FLAD1: variants seen among roughly 807,000 people sequenced by gnomAD.
FLAD1 encodes the protein bifunctional FAD diphosphatase/FAD synthase.
A neutral mutation model predicts 55.0 loss-of-function variants in FLAD1; 35 were observed. The observed-to-expected ratio is 0.64, with a 90% CI of 0.49 to 0.84. The LOEUF (loss-of-function observed/expected upper bound fraction) is 0.84. Among genes scored for constraint, FLAD1 ranks in the 40% least tolerant of loss-of-function variants. FLAD1 has a pLI of 0.00. For synonymous variants in FLAD1, 267 were observed against 303.0 expected, an observed-to-expected ratio of 0.88 and a Z score of 1.23; for missense variants, 665 against 742.6, an observed-to-expected ratio of 0.90 and a Z score of 1.21.
At chr1:154,992,271 G>A (rs1434776156) in intron 5 of FLAD1, among the ~76,000 whole-genome samples, 2 of 151,596 alleles carry the variant, frequency 1.3e-5, no homozygotes, top group South Asian at 2.1e-4. Context: ...GTGAAATCCC[G>A]TCTCTACTAA....
Position 154,988,344 on chromosome 1 carries a change from G to A in FLAD1, c.612G>A (p.Lys204=). ...AFGDELKPHP[K]LEAATKALGG... Reference sequence around the variant, plus strand: ...GAGATGAGCTGAAGCCACACCCCAAGTTGGAAGCAGCCACCAAAGCCCTAG... The same window carrying A: ...GAGATGAGCTGAAGCCACACCCCAAATTGGAAGCAGCCACCAAAGCCCTAG... The change falls in exon 2 of 7, where the codon AAG becomes AAA. Residue 204 remains lysine (K), a synonymous_variant. Transcript: ENST00000292180. 1.9e-6 allele frequency: 3 copies of A among 1,614,202 alleles called. No homozygotes were observed. The highest frequency in any genetic ancestry group is 1.3e-5 in the African/African-American group (1 of 75,034).
In FLAD1 at chr1:154,989,589, GC is replaced by G; in HGVS notation, c.1150del (p.Leu384TyrfsTer84). 6.3e-7 allele frequency: 1 copy of G among 1,593,520 alleles called. No individual in the cohort carries two copies. Among genetic ancestry groups the G allele is most frequent in the Non-Finnish European group, 8.6e-7 (1 of 1,168,936 alleles). Reference sequence around the variant, plus strand: ...TTCTTTGGGGAAAAAGGTGGCAGGTGCCCTACAGACCATTGAGACCTCCCTG... The same window carrying G: ...TTCTTTGGGGAAAAAGGTGGCAGGTGCCTACAGACCATTGAGACCTCCCTG... ...GSSLGKKVAG[A>X]LQTIETSLAQ... On this transcript the variant is annotated frameshift_variant, in exon 3 of 7. Coordinates refer to ENST00000292180, the MANE Select transcript of FLAD1 (RefSeq NM_025207.5). LOFTEE classifies it high-confidence loss of function.
At position 154,990,544 on chromosome 1, in the gene FLAD1, G is replaced by A. The variant is rs1406665166; in HGVS notation, c.1554+16G>A. 1.9e-6 allele frequency: 3 copies of A among 1,577,556 alleles called. No homozygotes were observed. The highest frequency in any genetic ancestry group is 1.1e-5 in the South Asian group (1 of 87,560). On this transcript the variant is annotated intron_variant, in intron 5 of 6. Coordinates refer to ENST00000292180, the MANE Select transcript of FLAD1 (RefSeq NM_025207.5). ...CCCACTGCTGGTAATGGGGAAGAGG[G>A]TTTATCACCTTCAGTCTCACGTGCC...
chr1:154,991,225 A>AAAAT (rs1553254618), intron 5 of FLAD1: 10 of 83,168 alleles, frequency 1.2e-4, no homozygotes, highest in African/African-American at 4.7e-4. Context: ...AAAAAAAAAA[A>AAAAT]ATATATATAT....
At position 154,984,010 on chromosome 1, in the gene FLAD1, T is replaced by G. The variant is rs1432499300; in HGVS notation, c.316T>G (p.Ser106Ala). The G allele has an allele frequency of 6.6e-7, 1 of 1,514,596 alleles. No individual in the cohort carries two copies. The highest frequency in any genetic ancestry group is 8.8e-7 in the Non-Finnish European group (1 of 1,130,798). 93.8% of individuals were successfully genotyped at this position (1,514,596 alleles called of 1,614,324 possible). The change falls in exon 1 of 7, where the codon TCT becomes GCT. Residue 106 changes from serine (S) to alanine (A), a missense_variant. Coordinates refer to ENST00000292180, the MANE Select transcript of FLAD1 (RefSeq NM_025207.5). ...CATGACATCTAGGGCCTCTGAACTTTCTCCGGGGCGCAGCGTGACGGCTGG... is the reference window on the plus strand; with the variant it reads ...CATGACATCTAGGGCCTCTGAACTTGCTCCGGGGCGCAGCGTGACGGCTGG... The part of the protein sequence containing the change: ...RTMTSRASEL[S>A]PGRSVTAGII...
rs754273521 is a variant in FLAD1 at position 154,988,586 on chromosome 1, A to C, written c.854A>C (p.Tyr285Ser). The change falls in exon 2 of 7, where the codon TAT becomes TCT. Residue 285 changes from tyrosine to serine, a missense_variant. Tyr to Ser is a moderately radical substitution (Grantham distance 144, BLOSUM62 -2). Transcript: ENST00000292180. ...GTTCAGTTCCACTCAAAGGAGCTAT[A>C]TGTGGCTGCTGATGAAGCCTCCATC... ...PAVQFHSKEL[Y>S]VAADEASIAP... 2.5e-6 allele frequency: 4 copies of C among 1,614,120 alleles called. No homozygotes were observed. The African/African-American group carries it at 4.0e-5, about 16-fold the overall frequency.
In FLAD1 at chr1:154,988,596, T is replaced by C; in HGVS notation, c.864T>C (p.Ala288=). The C allele has an allele frequency of 6.2e-7, 1 of 1,614,210 alleles. No homozygotes were observed. The highest frequency in any genetic ancestry group is 8.5e-7 in the Non-Finnish European group (1 of 1,180,044). Residue 288 remains alanine (A), a synonymous_variant, in exon 2 of 7, where the codon GCT becomes GCC. Transcript: ENST00000292180. ...ACTCAAAGGAGCTATATGTGGCTGC[T>C]GATGAAGCCTCCATCGCCCCCATTC... ...QFHSKELYVA[A]DEASIAPILA...
At position 154,990,460 on chromosome 1, in the gene FLAD1, T is replaced by TG. The variant is rs772160782; in HGVS notation, c.1487dup (p.Cys496TrpfsTer2). On this transcript the variant is annotated frameshift_variant, in exon 5 of 7. Coordinates refer to ENST00000292180, the MANE Select transcript of FLAD1 (RefSeq NM_025207.5). LOFTEE classifies it high-confidence loss of function. ...CACCCGCCGGACTGACCCCTACTCC[T>TG]GTAGCCTCTGCCCTTTCAGCCCCAC... 1 of 1,613,998 alleles carries TG rather than the reference T, an allele frequency of 6.2e-7. No individual in the cohort carries two copies. Among genetic ancestry groups the TG allele is most frequent in the African/African-American group, 1.3e-5 (1 of 74,932 alleles).
chr1:154,986,704 C>CATTT, intron 1 of FLAD1, among the ~76,000 whole-genome samples: 2 of 91,720 alleles, frequency 2.2e-5, no homozygotes, highest in Non-Finnish European at 2.1e-5. Context: ...GCCCCCCACC[C>CATTT]TTTTTTTTTT....
intron 2 of FLAD1, 105 bp downstream of exon 2, chr1:154,988,954 G>C (rs543929460): frequency 6.5e-7 from 1 of 1,549,146 alleles, no homozygotes; most frequent in Non-Finnish European, 8.7e-7. Flanking sequence ...TCCCTGAGAG[G>C]GCAGAAGATA....
In FLAD1 at chr1:154,983,879, G is replaced by GC; in HGVS notation, c.190dup (p.Gln64ProfsTer38). 1 of 1,613,962 alleles carries GC rather than the reference G, an allele frequency of 6.2e-7. No individual in the cohort carries two copies. Among genetic ancestry groups the GC allele is most frequent in the Non-Finnish European group, 8.5e-7 (1 of 1,179,902 alleles). On this transcript the variant is annotated frameshift_variant, in exon 1 of 7. Coordinates refer to ENST00000292180, the MANE Select transcript of FLAD1 (RefSeq NM_025207.5). LOFTEE classifies it high-confidence loss of function. ...CAGGACCCCCTGTTCCCAGGCTATGGCCCCCAGTGCCCTGTAGACCTGGCA... is the reference window on the plus strand; with the variant it reads ...CAGGACCCCCTGTTCCCAGGCTATGGCCCCCCAGTGCCCTGTAGACCTGGCA...
intron 2 of FLAD1, 60 bp downstream of exon 2, chr1:154,988,909 C>T (rs1182806157): frequency 6.2e-7 from 1 of 1,603,582 alleles, no homozygotes; most frequent in Admixed American, 1.7e-5. Context: ...CCCCAGATCT[C>T]AGTAATGCAG....
chr1:154,983,473 C>A lies in FLAD1; in HGVS notation c.-222C>A. On this transcript the variant is annotated 5_prime_UTR_variant, in exon 1 of 7. Coordinates refer to ENST00000292180, the MANE Select transcript of FLAD1 (RefSeq NM_025207.5). ...TTCTGGGCTAGAAAGGGTGCAGAAG[C>A]CTGAAGTAGAAAGAGACGGGATTTT... The A allele has an allele frequency of 2.1e-6, 1 of 474,980 alleles. No homozygotes were observed. Among genetic ancestry groups the A allele is most frequent in the South Asian group, 3.8e-5 (1 of 26,044 alleles). The allele number at this position is 474,980 out of a possible 1,614,324, so 29.4% of individuals were successfully genotyped here. A position where few individuals can be genotyped will look rare whatever the true frequency, so the allele number is the denominator to read the frequency against.
At chr1:154,992,521 G>C in intron 5 of FLAD1, 192 bp from the exon 6 acceptor site, 1 of 1,552,604 alleles carries the variant, frequency 6.4e-7, no homozygotes, top group East Asian at 2.3e-5. Flanking sequence ...GGAAAGCAGA[G>C]AGTGGAGAAG....
At chr1:154,985,193 C>A (rs537146217) in intron 1 of FLAD1, among the ~76,000 whole-genome samples, 2 of 148,964 alleles carry the variant, frequency 1.3e-5, no homozygotes, top group East Asian at 2.0e-4. Flanking sequence ...TAATAATAAT[C>A]TTTTTTAATA....
At chr1:154,985,649 C>T (rs1239046760) in intron 1 of FLAD1, among the ~76,000 whole-genome samples, 1 of 151,596 alleles carries the variant, frequency 6.6e-6, no homozygotes, top group Non-Finnish European at 1.5e-5. Flanking sequence ...TCAAGTGATC[C>T]ACCCACCTCA....
In FLAD1 at chr1:154,983,789, A is replaced by G. The variant is rs1466895384; in HGVS notation, c.95A>G (p.Glu32Gly). ...IWLEKTRVFL[E>G]GSTRTPALPH... ...TTAGAGAAGACTAGGGTCTTCCTCG[A>G]AGGAAGCACGCGCACGCCTGCTCTC... The change falls in exon 1 of 7, where the codon GAA (glutamate) becomes GGA (glycine). Residue 32 changes from glutamate to glycine, a missense_variant. Coordinates refer to ENST00000292180, the MANE Select transcript of FLAD1 (RefSeq NM_025207.5). The G allele has an allele frequency of 6.2e-7, 1 of 1,614,202 alleles. No individual in the cohort carries two copies. The highest frequency in any genetic ancestry group is 1.1e-5 in the South Asian group (1 of 91,090).
At chr1:154,991,908 C>T (rs376758001) in intron 5 of FLAD1, among the ~76,000 whole-genome samples, 3 of 150,956 alleles carry the variant, frequency 2.0e-5, no homozygotes, top group East Asian at 3.9e-4. Flanking sequence ...TTTGGGAGGC[C>T]GAGGCAGGCA....
At position 154,989,688 on chromosome 1, in the gene FLAD1, T is replaced by G; in HGVS notation, c.1246T>G (p.Phe416Val). The G allele has an allele frequency of 6.4e-7, 1 of 1,562,472 alleles. No individual in the cohort carries two copies. Among genetic ancestry groups the G allele is most frequent in the Non-Finnish European group, 8.7e-7 (1 of 1,152,108 alleles). ...AGACTGCACTGCCCTCCTGCACCTC[T>G]TCCATGCAGCTGTGCAGAGGTGAGC... Reference protein sequence around the residue: ...GKDCTALLHLFHAAVQRKLPD... With the variant: ...GKDCTALLHLVHAAVQRKLPD... The change falls in exon 3 of 7, where the codon TTC becomes GTC. Residue 416 changes from phenylalanine (F) to valine (V), a missense_variant. Coordinates refer to ENST00000292180, the MANE Select transcript of FLAD1 (RefSeq NM_025207.5).
Sources: gnomAD v4.1 joint callset for allele counts (sites outside exome capture counted in the v4.1 genomes callset) on GRCh38, gnomAD v4.1.1 for gene constraint, MANE v1.5 for transcripts, NCBI Gene and HGNC (gene_info 2026-07-23, HGNC 2026-07-21) for gene names.